Variants in CDH4 observed in about 807,000 individuals in gnomAD.
The protein encoded by CDH4 is cadherin 4.
CDH4 carries 33 observed loss-of-function variants against 86.0 expected under a neutral mutation model. The ratio of observed to expected loss-of-function variants is 0.38; its 90% confidence interval spans 0.29 to 0.51. CDH4 has a LOEUF of 0.51. Among genes scored for constraint, CDH4 ranks in the 20% least tolerant of loss-of-function variants. The probability of loss-of-function intolerance (pLI) is 0.86; values close to 1 mark genes in which losing one functional copy is unlikely to be tolerated. For synonymous variants in CDH4, 555 were observed against 549.4 expected (o/e 1.01, Z -0.14); for missense variants, 1,114 against 1,307.4 (o/e 0.85, Z 2.28).
chr20:61,526,607 C>T (rs941597237), intron 2 of CDH4, among the ~76,000 whole-genome samples: 5 of 150,510 alleles, frequency 3.3e-5, no homozygotes, highest in African/African-American at 1.2e-4. Flanking sequence ...ACTAACTCGT[C>T]ATCTAGCATT....
intron 3 of CDH4, among the ~76,000 whole-genome samples, chr20:61,755,908 T>C (rs570652043): frequency 3.9e-5 from 6 of 152,318 alleles, no homozygotes; most frequent in Admixed American, 1.3e-4. Flanking sequence ...AAAAGAGTTC[T>C]GTGTATGGTC....
chr20:61,714,616 T>C (rs1314039541), intron 2 of CDH4, among the ~76,000 whole-genome samples: 2 of 152,210 alleles, frequency 1.3e-5, no homozygotes, highest in Non-Finnish European at 2.9e-5. Flanking sequence ...CATGACTTTG[T>C]GCTCCCTAGC....
intron 4 of CDH4, among the ~76,000 whole-genome samples, chr20:61,780,286 G>T (rs1005128600): frequency 1.3e-5 from 2 of 152,018 alleles, no homozygotes; most frequent in South Asian, 4.2e-4. Flanking sequence ...TTTTCCCGGT[G>T]CACCCAACAC....
At chr20:61,885,588 T>TGAG (rs780291704) in intron 7 of CDH4, among the ~76,000 whole-genome samples, 2 of 152,248 alleles carry the variant, frequency 1.3e-5, no homozygotes, top group Non-Finnish European at 2.9e-5. Flanking sequence ...GGCGCTGCTT[T>TGAG]GAACGAGGGC....
rs575319943 is a variant in CDH4 at position 61,318,640 on chromosome 20, TACTC to T, written c.169+63705_169+63708del. On this transcript the variant is annotated intron_variant, in intron 2 of 15. Transcript: ENST00000614565. ...CCCAGGAGGAGCCTGGAATCAGTGA[TACTC>T]AGTCAGAATACATGCTCAATGCATA... is the stretch of plus-strand genomic sequence containing the variant. Among the ~76,000 whole-genome samples, 80 of 152,308 alleles carry T rather than the reference TACTC, an allele frequency of 5.3e-4. 2 individuals carry two copies. Among genetic ancestry groups the T allele is most frequent in the East Asian group, 2.1e-3 (11 of 5,178 alleles).
chr20:61,399,653 C>T (rs1027526895), intron 2 of CDH4, among the ~76,000 whole-genome samples: 3 of 152,202 alleles, frequency 2.0e-5, no homozygotes, highest in African/African-American at 7.2e-5. Flanking sequence ...CGCTGCAGGA[C>T]TTGGCAAATT....
chr20:61,511,691 G>T (rs2085781321), intron 2 of CDH4, among the ~76,000 whole-genome samples: 1 of 152,218 alleles, frequency 6.6e-6, no homozygotes, highest in African/African-American at 2.4e-5. Context: ...GAGAGAAGAT[G>T]TTCATGTTTG....
At chr20:61,766,970 A>T (rs2088706942) in intron 3 of CDH4, among the ~76,000 whole-genome samples, 1 of 152,206 alleles carries the variant, frequency 6.6e-6, no homozygotes, top group African/African-American at 2.4e-5. Context: ...AAGTGGTGGG[A>T]TGGGCCCATC....
intron 4 of CDH4, among the ~76,000 whole-genome samples, chr20:61,793,713 A>G (rs189684621): frequency 9.9e-5 from 15 of 151,782 alleles, no homozygotes; most frequent in Middle Eastern, 3.4e-3. Flanking sequence ...GGTGGCAGAC[A>G]CCTGTAATCC....
intron 7 of CDH4, among the ~76,000 whole-genome samples, chr20:61,878,183 G>T (rs1223537345): frequency 6.6e-6 from 1 of 152,166 alleles, no homozygotes; most frequent in East Asian, 1.9e-4. Flanking sequence ...GACCTTCATG[G>T]GCAGCACGTG....
At chr20:61,916,577 C>G (rs1022600558) in intron 9 of CDH4, among the ~76,000 whole-genome samples, 10 of 152,218 alleles carry the variant, frequency 6.6e-5, no homozygotes, top group African/African-American at 2.4e-4. Flanking sequence ...CTGTCCCGAG[C>G]TGGGGAGAGG....
intron 2 of CDH4, among the ~76,000 whole-genome samples, chr20:61,574,639 A>C (rs1568693305): frequency 1.3e-5 from 2 of 152,308 alleles, no homozygotes; most frequent in East Asian, 3.9e-4. Flanking sequence ...GCGTCCGGCC[A>C]CTGAGAAGGT....
rs112804106 is a variant in CDH4, at chr20:61,932,705, G to A, written c.2240-280G>A. ...AAGCACCTACATCCACGACTCCTGC[G>A]GATACACGTATGCATGCTTACACAG... On this transcript the variant is annotated intron_variant, in intron 13 of 15. Transcript: ENST00000614565. Among the ~76,000 whole-genome samples, 967 of 152,194 alleles carry A rather than the reference G, an allele frequency of 6.4e-3. 9 individuals carry two copies. The highest frequency in any genetic ancestry group is 0.021 in the African/African-American group (876 of 41,540).
chr20:61,288,201 GA>G (rs11480765), intron 2 of CDH4, among the ~76,000 whole-genome samples: 3 of 151,286 alleles, frequency 2.0e-5, no homozygotes, highest in Non-Finnish European at 2.9e-5. Context: ...CATTTTCCCA[GA>G]AAAAAAAATC....
At chr20:61,434,386 T>A (rs1199022949) in intron 2 of CDH4, among the ~76,000 whole-genome samples, 1 of 152,200 alleles carries the variant, frequency 6.6e-6, no homozygotes, top group Non-Finnish European at 1.5e-5. Flanking sequence ...AGCCCCGAGT[T>A]AAAGACGTCT....
At chr20:61,640,894 G>A (rs529509342) in intron 2 of CDH4, among the ~76,000 whole-genome samples, 1 of 152,330 alleles carries the variant, frequency 6.6e-6, no homozygotes, top group East Asian at 1.9e-4. Flanking sequence ...TTAATACTGC[G>A]AGTTCCAGCT....
intron 11 of CDH4, 37 bp from the exon 12 acceptor site, chr20:61,928,153 G>C (rs1374318313): frequency 1.3e-6 from 2 of 1,529,686 alleles, no homozygotes; most frequent in African/African-American, 2.7e-5. Context: ...TGGAGTACCA[G>C]GAGTGGCCCG....
rs764773600 is a variant in CDH4, at chr20:61,618,417, A to G, written c.170-125146A>G. Among the ~76,000 whole-genome samples, 6 of 152,184 alleles carry G rather than the reference A, an allele frequency of 3.9e-5. No homozygotes were observed. The East Asian group carries it at 5.8e-4, about 15-fold the overall frequency. Reference sequence around the variant, plus strand: ...GATTTTATTTTTATTTCTCTGAATGAATCAACAAAGGACAAGCAAAAGAAG... The same window carrying G: ...GATTTTATTTTTATTTCTCTGAATGGATCAACAAAGGACAAGCAAAAGAAG... On this transcript the variant is annotated intron_variant, in intron 2 of 15. Coordinates refer to ENST00000614565, the MANE Select transcript of CDH4 (RefSeq NM_001794.5).
intron 6 of CDH4, among the ~76,000 whole-genome samples, chr20:61,865,420 T>A (rs1221128787): frequency 6.6e-6 from 1 of 152,108 alleles, no homozygotes; most frequent in Non-Finnish European, 1.5e-5. Context: ...AGATGATAGG[T>A]TGCTTCCTGG....
Sources: gnomAD v4.1 joint callset for allele counts (sites outside exome capture counted in the v4.1 genomes callset) on GRCh38, gnomAD v4.1.1 for gene constraint, MANE v1.5 for transcripts, NCBI Gene and HGNC (gene_info 2026-07-23, HGNC 2026-07-21) for gene names.